FOXN3: variants seen among roughly 807,000 people sequenced by gnomAD.
FOXN3 encodes forkhead box N3, also known as forkhead box protein N3.
In FOXN3, 7 loss-of-function variants were observed where a neutral mutation model predicts 38.4. The observed-to-expected ratio is 0.18, with a 90% CI of 0.10 to 0.34. The LOEUF (loss-of-function observed/expected upper bound fraction) is 0.34. Among genes scored for constraint, FOXN3 ranks in the 10% least tolerant of loss-of-function variants. The pLI is 1.00. For missense variants in FOXN3, 456 were observed against 613.4 expected, an observed-to-expected ratio of 0.74 and a Z score of 2.71; for synonymous variants, 230 against 242.2, an observed-to-expected ratio of 0.95 and a Z score of 0.47.
chr14:89,472,320 A>C (rs552878947), intron 1 of FOXN3, among the ~76,000 whole-genome samples: 1 of 151,914 alleles, frequency 6.6e-6, no homozygotes, highest in African/African-American at 2.4e-5. Flanking sequence ...TTTGTCTGTT[A>C]CCCCACAACC....
intron 1 of FOXN3, among the ~76,000 whole-genome samples, chr14:89,528,982 A>G (rs983696700): frequency 7.2e-5 from 11 of 152,182 alleles, no homozygotes; most frequent in Non-Finnish European, 1.3e-4. Flanking sequence ...TCAAGACTAC[A>G]CACTTTGAAT....
intron 1 of FOXN3, among the ~76,000 whole-genome samples, chr14:89,461,286 G>A (rs1040041434): frequency 1.3e-5 from 2 of 151,138 alleles, no homozygotes; most frequent in Non-Finnish European, 2.9e-5. Flanking sequence ...GCATTGAGCC[G>A]AGATCACACC....
chr14:89,351,291 T>A (rs1888961740), intron 2 of FOXN3: 1 of 152,232 alleles, frequency 6.6e-6, no homozygotes, highest in African/African-American at 2.4e-5. Flanking sequence ...AGTAATCCCC[T>A]TGTTTCTTTC....
At chr14:89,551,099 G>C (rs1894997494) in intron 1 of FOXN3, among the ~76,000 whole-genome samples, 1 of 152,160 alleles carries the variant, frequency 6.6e-6, no homozygotes, top group Non-Finnish European at 1.5e-5. Context: ...TTGGTTCCTT[G>C]CCCGGGATAG....
intron 2 of FOXN3, among the ~76,000 whole-genome samples, chr14:89,380,508 T>C (rs577220805): frequency 9.9e-5 from 15 of 152,264 alleles, no homozygotes; most frequent in African/African-American, 3.6e-4. Flanking sequence ...AGAAGAACAT[T>C]TTGCACAACT....
intron 4 of FOXN3, among the ~76,000 whole-genome samples, chr14:89,271,327 G>T (rs956234980): frequency 2.0e-5 from 3 of 152,232 alleles, no homozygotes; most frequent in African/African-American, 7.2e-5. Context: ...AATTTCAAGG[G>T]GAATGACTTT....
In FOXN3 at chr14:89,347,680, G is replaced by A. The variant is rs777791969; in HGVS notation, c.680+2992C>T. The stretch of plus-strand genomic sequence containing the variant: ...TAGAAAACAGAGGCATGGGCCGGGC[G>A]CGGTGGCTCACGCCTGTAATCCCAG... On this transcript the variant is annotated intron_variant, in intron 3 of 5. Transcript: ENST00000557258. Among the ~76,000 whole-genome samples, 18 of 152,282 alleles carry A rather than the reference G, an allele frequency of 1.2e-4. 1 individual carries two copies. The highest frequency in any genetic ancestry group is 3.3e-4 in the Admixed American group (5 of 15,298).
chr14:89,201,401 C>A (rs1888230767), intron 4 of FOXN3, among the ~76,000 whole-genome samples: 1 of 152,226 alleles, frequency 6.6e-6, no homozygotes, highest in Non-Finnish European at 1.5e-5. Context: ...CTGCTTGCTC[C>A]TGGTTTCTTC....
chr14:89,404,964 T>G (rs988107334), intron 2 of FOXN3, among the ~76,000 whole-genome samples: 1 of 152,160 alleles, frequency 6.6e-6, no homozygotes, highest in Non-Finnish European at 1.5e-5. Context: ...ATAATAATAA[T>G]AAGTCATCTC....
intron 4 of FOXN3, among the ~76,000 whole-genome samples, chr14:89,231,744 T>C (rs950185023): frequency 7.9e-5 from 12 of 152,288 alleles, no homozygotes; most frequent in Non-Finnish European, 1.2e-4. Flanking sequence ...AAATCGGACC[T>C]GCCTACCTTG....
intron 2 of FOXN3, among the ~76,000 whole-genome samples, chr14:89,352,089 CA>C (rs1888993086): frequency 1.3e-5 from 2 of 152,200 alleles, no homozygotes; most frequent in Non-Finnish European, 1.5e-5. Flanking sequence ...AAACCACAGC[CA>C]GGGGCTGGAA....
chr14:89,264,696 C>T (rs1310449535), intron 4 of FOXN3, among the ~76,000 whole-genome samples: 1 of 152,168 alleles, frequency 6.6e-6, no homozygotes, highest in East Asian at 1.9e-4. Flanking sequence ...GAGTTTCCAT[C>T]GTCAGGAACC....
intron 2 of FOXN3, among the ~76,000 whole-genome samples, chr14:89,367,141 G>A (rs1254440156): frequency 2.6e-5 from 4 of 152,118 alleles, no homozygotes; most frequent in Non-Finnish European, 4.4e-5. Context: ...CATTGGCCAC[G>A]AGATCACCAG....
chr14:89,281,129 T>A (rs7147341), intron 3 of FOXN3, 115 bp from the exon 4 acceptor site: 2 of 869,096 alleles, frequency 2.3e-6, no homozygotes, highest in Non-Finnish European at 3.7e-6. Context: ...TGACACCCTT[T>A]GAAAATGCAT....
chr14:89,317,702 CT>C (rs770492555), intron 3 of FOXN3, among the ~76,000 whole-genome samples: 14 of 151,980 alleles, frequency 9.2e-5, no homozygotes, highest in Non-Finnish European at 1.9e-4. Context: ...AACCTACCTC[CT>C]TTCCCCCCCC....
intron 4 of FOXN3, among the ~76,000 whole-genome samples, chr14:89,221,584 A>G (rs1884463726): frequency 6.6e-6 from 1 of 152,216 alleles, no homozygotes; most frequent in Non-Finnish European, 1.5e-5. Context: ...TCTTCAACAC[A>G]GTCATAAAGA....
At chr14:89,568,511 C>T (rs1437827460) in intron 1 of FOXN3, among the ~76,000 whole-genome samples, 2 of 152,208 alleles carry the variant, frequency 1.3e-5, no homozygotes, top group Non-Finnish European at 2.9e-5. Flanking sequence ...AGCACGGAAG[C>T]CCTTTCCACC....
At chr14:89,434,727 C>T (rs1011501693) in intron 1 of FOXN3, among the ~76,000 whole-genome samples, 2 of 152,146 alleles carry the variant, frequency 1.3e-5, no homozygotes, top group African/African-American at 2.4e-5. Flanking sequence ...TCCCAAACCA[C>T]CAAATAAACC....
In FOXN3 at chr14:89,302,535, C is replaced by T. The variant is rs115770586; in HGVS notation, c.681-21521G>A. Among the ~76,000 whole-genome samples the T allele has an allele frequency of 8.8e-3, 1,341 of 152,276 alleles. 15 individuals carry two copies. Among genetic ancestry groups the T allele is most frequent in the African/African-American group, 0.03 (1,229 of 41,530 alleles). ...ACATAACCCGAAAAACCTTAGCCTC[C>T]TGAAACCTTTGGAGGAAACTGACTC... On this transcript the variant is annotated intron_variant, in intron 3 of 5. Coordinates refer to ENST00000557258, the MANE Select transcript of FOXN3 (RefSeq NM_005197.4).
Sources: gnomAD v4.1 joint callset for allele counts (sites outside exome capture counted in the v4.1 genomes callset) on GRCh38, gnomAD v4.1.1 for gene constraint, MANE v1.5 for transcripts, NCBI Gene and HGNC (gene_info 2026-07-23, HGNC 2026-07-21) for gene names.